PHF24: variants seen among roughly 807,000 people sequenced by gnomAD.
PHF24 encodes the protein PHD finger protein 24, also known as Galpha inhibitory interacting protein.
In PHF24, 25 loss-of-function variants were observed where a neutral mutation model predicts 42.6. The observed-to-expected ratio is 0.59, with a 90% CI of 0.43 to 0.82. PHF24 has a LOEUF of 0.82. Among genes scored for constraint, PHF24 ranks in the 40% least tolerant of loss-of-function variants. PHF24 has a pLI of 0.00. For missense variants in PHF24, 470 were observed against 538.1 expected (o/e 0.87, Z 1.25); for synonymous variants, 185 against 204.8 (o/e 0.90, Z 0.83).
chr9:34,773,418 A>G, the PHF24 span, among the ~76,000 whole-genome samples: 4 of 152,200 alleles, frequency 2.6e-5, no homozygotes, highest in African/African-American at 9.6e-5. Context: ...CCAGAAAGAA[A>G]CAAGTGCTAA....
In PHF24 at chr9:34,958,744, C is replaced by G. The variant is rs1463830989; in HGVS notation, c.-5+343C>G. ...GCACAAGGGTGGTCTCTGGAGCTGG[C>G]TCAATGGAAGACCACCTGGGAACAT... On this transcript the variant is annotated intron_variant, in intron 1 of 7. Transcript: ENST00000242315. This position sits in a 1 kb window ranked among gnomAD's most constrained non-coding sequence, Gnocchi z 4.5. 6.6e-6 allele frequency among the ~76,000 whole-genome samples: 1 copy of G among 152,274 alleles called. No homozygotes were observed. Among genetic ancestry groups the G allele is most frequent in the Non-Finnish European group, 1.5e-5 (1 of 68,010 alleles).
At chr9:34,980,129 G>A (rs1484617048) in exon 8 of PHF24, 1 of 152,244 alleles carries the variant, frequency 6.6e-6, no homozygotes, top group African/African-American at 2.4e-5. Context: ...GGCTTTGAGA[G>A]CTGAATAGCA....
chr9:34,850,296 C>A, the PHF24 span, among the ~76,000 whole-genome samples: 51 of 152,136 alleles, frequency 3.4e-4, 1 homozygote, highest in South Asian at 1.2e-3. Flanking sequence ...AGGCTTTGTT[C>A]ATTTCTTTTT....
chr9:34,835,252 G>C, the PHF24 span: 3 of 1,551,504 alleles, frequency 1.9e-6, no homozygotes, highest in Non-Finnish European at 2.6e-6. Context: ...TCTCAGATCT[G>C]TGAAGAGAGA....
chr9:34,945,425 C>A, the PHF24 span, among the ~76,000 whole-genome samples: 1 of 152,152 alleles, frequency 6.6e-6, no homozygotes, highest in Non-Finnish European at 1.5e-5. Flanking sequence ...CAGAACACGA[C>A]ATAGGTCCGA....
chr9:34,717,887 T>G, the PHF24 span, among the ~76,000 whole-genome samples: 1 of 152,200 alleles, frequency 6.6e-6, no homozygotes, highest in Non-Finnish European at 1.5e-5. Context: ...TTGTCTTCCT[T>G]GACGTGTTTG....
chr9:34,967,824 T>G (rs776268198), intron 1 of PHF24, among the ~76,000 whole-genome samples: 33 of 152,310 alleles, frequency 2.2e-4, no homozygotes, highest in Middle Eastern at 3.4e-3. Context: ...CCTCATTAGA[T>G]CATATGAACT....
chr9:34,685,597 T>C, the PHF24 span, among the ~76,000 whole-genome samples: 3 of 152,196 alleles, frequency 2.0e-5, no homozygotes, highest in African/African-American at 7.2e-5. Flanking sequence ...TGCCCATCAG[T>C]CAGGCTTAGA....
At chr9:34,713,592 G>T in the PHF24 span, among the ~76,000 whole-genome samples, 3 of 152,084 alleles carry the variant, frequency 2.0e-5, no homozygotes, top group African/African-American at 7.2e-5. Flanking sequence ...AGTTGCTTTG[G>T]TGGAGGGACC....
chr9:34,698,231 G>C, the PHF24 span, among the ~76,000 whole-genome samples: 6 of 151,542 alleles, frequency 4.0e-5, no homozygotes, highest in Non-Finnish European at 7.4e-5. Flanking sequence ...TGGGTGGGGG[G>C]CTGGGGGATC....
At chr9:34,874,819 AT>A in the PHF24 span, among the ~76,000 whole-genome samples, 1 of 152,014 alleles carries the variant, frequency 6.6e-6, no homozygotes, top group African/African-American at 2.4e-5. Flanking sequence ...ATTTTTTAAA[AT>A]TTTTGTGGGT....
At chr9:34,776,905 G>C in the PHF24 span, among the ~76,000 whole-genome samples, 3 of 152,210 alleles carry the variant, frequency 2.0e-5, no homozygotes, top group African/African-American at 7.2e-5. Flanking sequence ...TATCTAAGGT[G>C]TTGGTTTGAT....
intron 1 of PHF24, among the ~76,000 whole-genome samples, chr9:34,970,413 G>A (rs571645367): frequency 6.6e-6 from 1 of 152,318 alleles, no homozygotes; most frequent in South Asian, 2.1e-4. Context: ...TAATAGGCCA[G>A]TGTCTGTAAT....
chr9:34,969,524 C>A (rs1826896656), intron 1 of PHF24, among the ~76,000 whole-genome samples: 1 of 151,930 alleles, frequency 6.6e-6, no homozygotes. Context: ...GCCTGTAGTC[C>A]CAGCTACTTA....
chr9:34,835,465 G>T, the PHF24 span: 1 of 1,551,934 alleles, frequency 6.4e-7, no homozygotes, highest in Non-Finnish European at 8.7e-7. Context: ...GGGCAGGGAG[G>T]ACCATATGCA....
chr9:34,922,542 T>C, the PHF24 span: 11 of 985,314 alleles, frequency 1.1e-5, no homozygotes, highest in East Asian at 2.4e-5. Context: ...AGCCAAGTAA[T>C]GGTAGTGATC....
intron 3 of PHF24, 116 bp downstream of exon 3, chr9:34,972,647 G>A (rs1271883318): frequency 1.0e-6 from 1 of 959,272 alleles, no homozygotes; most frequent in African/African-American, 1.7e-5. Flanking sequence ...TGGGCGCGGT[G>A]GCTCATGCCT....
chr9:34,892,592 T>C, the PHF24 span: 4 of 444,544 alleles, frequency 9.0e-6, no homozygotes, highest in South Asian at 7.6e-5. Context: ...TCATAGGCTG[T>C]TGTTGTAGGT....
At chr9:34,978,418 T>C in exon 8 of PHF24, 1 of 339,432 alleles carries the variant, frequency 2.9e-6, no homozygotes, top group Non-Finnish European at 5.5e-6. Flanking sequence ...CAGCTGTCCA[T>C]GCCTTCAGAA....
Sources: gnomAD v4.1 joint callset for allele counts (sites outside exome capture counted in the v4.1 genomes callset) on GRCh38, gnomAD v4.1.1 for gene constraint, Gnocchi (gnomAD v3.1) non-coding constraint, MANE v1.5 for transcripts, NCBI Gene and HGNC (gene_info 2026-07-23, HGNC 2026-07-21) for gene names.